UNC13C: variants seen among roughly 807,000 people sequenced by gnomAD.
UNC13C encodes protein unc-13 homolog C.
UNC13C carries 174 observed loss-of-function variants against 245.4 expected under a neutral mutation model. That is an observed-to-expected ratio of 0.71 (90% CI 0.63 to 0.80). The LOEUF is 0.80. Among genes scored for constraint, UNC13C ranks in the 30% least tolerant of loss-of-function variants. The pLI is 0.00. For missense variants in UNC13C, 2,829 were observed against 2,602.9 expected (o/e 1.09, Z -1.89); for synonymous variants, 992 against 895.1 (o/e 1.11, Z -1.93).
intron 1 of UNC13C, among the ~76,000 whole-genome samples, chr15:53,987,767 T>C (rs1400023739): frequency 6.6e-6 from 1 of 152,004 alleles, no homozygotes; most frequent in Non-Finnish European, 1.5e-5. Flanking sequence ...TGTGACTGCG[T>C]TTACATTTTC....
the UNC13C span, among the ~76,000 whole-genome samples, chr15:53,929,304 A>G: frequency 6.6e-6 from 1 of 152,188 alleles, no homozygotes; most frequent in Non-Finnish European, 1.5e-5. Flanking sequence ...GACATGTGAG[A>G]AATATGGGAG....
intron 2 of UNC13C, among the ~76,000 whole-genome samples, chr15:54,119,149 G>A (rs998879905): frequency 1.3e-5 from 2 of 151,584 alleles, no homozygotes; most frequent in South Asian, 2.1e-4. Context: ...TTCTTTGATC[G>A]GAGACTTTTT....
At chr15:53,979,574 C>T (rs182436690) in intron 1 of UNC13C, among the ~76,000 whole-genome samples, 2 of 152,252 alleles carry the variant, frequency 1.3e-5, no homozygotes, top group African/African-American at 4.8e-5. Context: ...TGAGTAAACC[C>T]TAACTTCTGC....
intron 18 of UNC13C, among the ~76,000 whole-genome samples, chr15:54,393,748 C>G (rs888247152): frequency 5.9e-5 from 9 of 151,790 alleles, no homozygotes; most frequent in Admixed American, 6.6e-5. Flanking sequence ...CTCATTTTAT[C>G]AAAATACAAC....
intron 10 of UNC13C, among the ~76,000 whole-genome samples, chr15:54,289,122 A>G (rs2037225806): frequency 6.6e-6 from 1 of 152,078 alleles, no homozygotes; most frequent in South Asian, 2.1e-4. Flanking sequence ...AACCCTGCAG[A>G]GTTCCAAATT....
In UNC13C at chr15:54,169,937, A is replaced by G. The variant is rs187093422; in HGVS notation, c.3071+26253A>G. Among the ~76,000 whole-genome samples the G allele has an allele frequency of 2.0e-4, 30 of 149,610 alleles. No homozygotes were observed. The East Asian group carries it at 3.9e-3, about 20-fold the overall frequency. ...TTATGTGATAATGCATTTGATATCT[A>G]TCTCCTCTCCCACAAGGTTGTAAGC... On this transcript the variant is annotated intron_variant, in intron 4 of 32. Coordinates refer to ENST00000260323, the MANE Select transcript of UNC13C (RefSeq NM_001080534.3).
intron 19 of UNC13C, among the ~76,000 whole-genome samples, chr15:54,484,776 A>G (rs981804904): frequency 1.3e-5 from 2 of 152,202 alleles, no homozygotes; most frequent in Non-Finnish European, 2.9e-5. Context: ...GCTGTAAATC[A>G]TTGATAGAAA....
chr15:54,617,696 TG>T (rs1185277862), intron 30 of UNC13C, among the ~76,000 whole-genome samples: 3 of 152,166 alleles, frequency 2.0e-5, no homozygotes, highest in African/African-American at 7.2e-5. Flanking sequence ...AGCACTGGAA[TG>T]GATGAGAGAG....
intron 1 of UNC13C, among the ~76,000 whole-genome samples, chr15:53,984,865 G>C (rs946733367): frequency 5.9e-5 from 9 of 151,900 alleles, no homozygotes; most frequent in Admixed American, 4.6e-4. Context: ...GGATTGTTTT[G>C]GACAGCCTAT....
intron 19 of UNC13C, among the ~76,000 whole-genome samples, chr15:54,469,826 A>G (rs1892363570): frequency 6.6e-6 from 1 of 151,440 alleles, no homozygotes; most frequent in African/African-American, 2.4e-5. Context: ...CCATCCTTAT[A>G]TTGTTCCTGA....
intron 2 of UNC13C, among the ~76,000 whole-genome samples, chr15:54,125,144 C>T (rs7182750): frequency 0.39 from 58,582 of 151,906 alleles, 11,447 homozygotes; most frequent in African/African-American, 0.43. Context: ...ATATAAGTTT[C>T]GGAGAACTCT....
intron 30 of UNC13C, among the ~76,000 whole-genome samples, chr15:54,609,633 C>T (rs1297027993): frequency 3.9e-5 from 6 of 152,218 alleles, no homozygotes; most frequent in African/African-American, 9.6e-5. Flanking sequence ...TACACTCAGC[C>T]AACACCATCT....
chr15:54,261,670 G>C (rs958778156), intron 8 of UNC13C, among the ~76,000 whole-genome samples: 30 of 152,112 alleles, frequency 2.0e-4, no homozygotes, highest in African/African-American at 7.0e-4. Context: ...AGCCTCTCGA[G>C]GTAGCTGGGA....
At chr15:53,997,820 T>C (rs1894703796) in intron 1 of UNC13C, among the ~76,000 whole-genome samples, 2 of 152,080 alleles carry the variant, frequency 1.3e-5, no homozygotes, top group African/African-American at 4.8e-5. Flanking sequence ...TTATTTTCTT[T>C]TTGAGACCAT....
chr15:54,174,464 C>G (rs1026105556), intron 4 of UNC13C, among the ~76,000 whole-genome samples: 6 of 152,036 alleles, frequency 3.9e-5, no homozygotes, highest in Admixed American at 2.6e-4. Flanking sequence ...GATAATTGTG[C>G]TGTTTTAACT....
intron 8 of UNC13C, among the ~76,000 whole-genome samples, chr15:54,260,566 A>G (rs1157253948): frequency 6.7e-6 from 1 of 149,314 alleles, no homozygotes; most frequent in African/African-American, 2.4e-5. Context: ...TAATAAACAC[A>G]CATATATGTA....
At chr15:54,279,558 A>G (rs185381192) in intron 10 of UNC13C, among the ~76,000 whole-genome samples, 57 of 152,348 alleles carry the variant, frequency 3.7e-4, no homozygotes, top group Non-Finnish European at 7.3e-4. Context: ...TGGCATTTCC[A>G]TCATTGCCTC....
At position 54,213,395 on chromosome 15, in the gene UNC13C, T is replaced by A. The variant is rs1013530714; in HGVS notation, c.3072-21635T>A. On this transcript the variant is annotated intron_variant, in intron 4 of 32. Transcript: ENST00000260323. ...TATTTTGGAAGGGTTTTTAATCTAG[T>A]GAAAGTCAAACATGTGCAGACAGCT... Among the ~76,000 whole-genome samples the A allele has an allele frequency of 2.0e-5, 3 of 152,012 alleles. No individual in the cohort carries two copies. In the East Asian group the frequency reaches 5.8e-4, roughly 29 times the overall value.
chr15:54,184,129 T>A (rs2033891178), intron 4 of UNC13C, among the ~76,000 whole-genome samples: 3 of 152,218 alleles, frequency 2.0e-5, no homozygotes, highest in Middle Eastern at 3.4e-3. Context: ...TTAGATTGGT[T>A]TTGTTTTGAG....
Sources: allele counts gnomAD v4.1 joint callset (sites outside exome capture counted in the v4.1 genomes callset), GRCh38; gene constraint gnomAD v4.1.1; transcripts MANE v1.5; gene names NCBI Gene and HGNC (gene_info 2026-07-23, HGNC 2026-07-21).